SETD7: variants seen among roughly 807,000 people sequenced by gnomAD.
SETD7 encodes the protein histone-lysine N-methyltransferase SETD7.
SETD7 carries 16 observed loss-of-function variants against 41.8 expected under a neutral mutation model. That is an observed-to-expected ratio of 0.38 (90% CI 0.26 to 0.58). The LOEUF is 0.58. Ranked by LOEUF, SETD7 falls within the 20% of genes least tolerant of loss-of-function variation. SETD7 has a pLI of 0.64. For synonymous variants in SETD7, 163 were observed against 169.7 expected (o/e 0.96, Z 0.31); for missense variants, 346 against 459.7 (o/e 0.75, Z 2.26).
Position 139,555,562 on chromosome 4 carries a change from G to A in SETD7, c.40+536C>T, listed in dbSNP as rs1728241990. Among the ~76,000 whole-genome samples the A allele has an allele frequency of 6.6e-6, 1 of 152,060 alleles. No individual in the cohort carries two copies. The highest frequency in any genetic ancestry group is 2.1e-4 in the South Asian group (1 of 4,824). ...TCGGAAGAGCTGCCGCCTGGGCCGC[G>A]GCTGCCACGTGCCTGGTCTGGCCCC... On this transcript the variant is annotated intron_variant, in intron 1 of 7. Transcript: ENST00000274031. This position sits in a 1 kb window ranked among gnomAD's most constrained non-coding sequence, Gnocchi z 4.0.
chr4:139,514,440 T>C (rs1030057546), intron 7 of SETD7, among the ~76,000 whole-genome samples: 5 of 151,694 alleles, frequency 3.3e-5, no homozygotes, highest in African/African-American at 9.7e-5. Context: ...TTTATTTACA[T>C]TTTCCTGTTC....
intron 2 of SETD7, among the ~76,000 whole-genome samples, chr4:139,533,581 G>A (rs1488097311): frequency 6.6e-6 from 1 of 152,178 alleles, no homozygotes; most frequent in Non-Finnish European, 1.5e-5. Context: ...CCAATCTCAT[G>A]GTTCCTGGGA....
At position 139,555,591 on chromosome 4, in the gene SETD7, C is replaced by A. The variant is rs1016714620; in HGVS notation, c.40+507G>T. Among the ~76,000 whole-genome samples the A allele has an allele frequency of 6.6e-6, 1 of 151,922 alleles. No homozygotes were observed. Among genetic ancestry groups the A allele is most frequent in the Non-Finnish European group, 1.5e-5 (1 of 67,954 alleles). On this transcript the variant is annotated intron_variant, in intron 1 of 7. Transcript: ENST00000274031. The surrounding 1 kb of genome is among the most constrained non-coding windows in gnomAD (Gnocchi z 4.0). The stretch of plus-strand genomic sequence containing the variant: ...GCCACGTGCCTGGTCTGGCCCCGTG[C>A]GCTGCGCCGGGGGACCTACCCGGAC...
downstream of SETD7, among the ~76,000 whole-genome samples, chr4:139,505,081 A>G (rs1433576898): frequency 6.6e-6 from 1 of 152,050 alleles, no homozygotes; most frequent in Non-Finnish European, 1.5e-5. Flanking sequence ...CCTTCCTTCC[A>G]TGGAAGGAAG....
In SETD7 at chr4:139,509,804, A is replaced by G; in HGVS notation, c.*1859T>C. The G allele has an allele frequency of 3.0e-6, 3 of 985,448 alleles. No individual in the cohort carries two copies. The South Asian group carries it at 1.4e-4, about 46-fold the overall frequency. 61.0% of individuals were successfully genotyped at this position (985,448 alleles called of 1,614,324 possible). ...CCTGGTGCCTTTAAATCTAAAAACT[A>G]TTCAGTTCCTTTGGTGGGCAATCTT... On this transcript the variant is annotated 3_prime_UTR_variant, in exon 8 of 8. Transcript: ENST00000274031.
intron 2 of SETD7, among the ~76,000 whole-genome samples, chr4:139,543,626 C>T (rs1297195944): frequency 1.3e-5 from 2 of 152,078 alleles, no homozygotes; most frequent in Non-Finnish European, 2.9e-5. Flanking sequence ...ATTTAATCAA[C>T]ATCTCCACTG....
chr4:139,514,832 G>A (rs1004787663), intron 7 of SETD7, among the ~76,000 whole-genome samples: 14 of 152,162 alleles, frequency 9.2e-5, no homozygotes, highest in South Asian at 2.1e-4. Context: ...ACTAGATTGC[G>A]TTTCAAACAG....
intron 7 of SETD7, among the ~76,000 whole-genome samples, chr4:139,512,188 C>T (rs953701777): frequency 6.6e-6 from 1 of 152,192 alleles, no homozygotes; most frequent in African/African-American, 2.4e-5. Flanking sequence ...AAAAATCTGT[C>T]GTTAATGAGA....
intron 2 of SETD7, among the ~76,000 whole-genome samples, chr4:139,537,534 C>T (rs1324650542): frequency 6.6e-6 from 1 of 152,198 alleles, no homozygotes; most frequent in East Asian, 1.9e-4. Flanking sequence ...CATTATTCAT[C>T]AGAGCCTAGG....
chr4:139,543,789 A>G (rs1727845084), intron 2 of SETD7, among the ~76,000 whole-genome samples: 1 of 133,468 alleles, frequency 7.5e-6, no homozygotes, highest in South Asian at 2.4e-4. Context: ...CGTCTCTACT[A>G]AAAAAATACA....
intron 7 of SETD7, among the ~76,000 whole-genome samples, chr4:139,500,657 C>T (rs957038177): frequency 1.3e-5 from 2 of 152,120 alleles, no homozygotes; most frequent in Admixed American, 1.3e-4. Flanking sequence ...TACAGGCATG[C>T]ACCACCACGC....
At chr4:139,526,495 G>C (rs1727334853) in intron 4 of SETD7, among the ~76,000 whole-genome samples, 1 of 150,138 alleles carries the variant, frequency 6.7e-6, no homozygotes, top group Admixed American at 6.7e-5. Context: ...TGCTGCCTAG[G>C]CTGATCTTGA....
intron 3 of SETD7, among the ~76,000 whole-genome samples, chr4:139,529,517 T>C (rs971888659): frequency 5.3e-5 from 8 of 152,212 alleles, no homozygotes; most frequent in African/African-American, 4.8e-5. Context: ...ATACTCTATG[T>C]TGGTTTACTA....
At chr4:139,496,552 G>C (rs1726459456) in intron 7 of SETD7, 1 of 699,100 alleles carries the variant, frequency 1.4e-6, no homozygotes, top group East Asian at 2.7e-5. Flanking sequence ...GGCTGAGAAC[G>C]TTTTCAGAGA....
chr4:139,495,573 G>T (rs929736675), downstream of SETD7, among the ~76,000 whole-genome samples: 1 of 152,170 alleles, frequency 6.6e-6, no homozygotes, highest in African/African-American at 2.4e-5. Context: ...AGGAGAAAGA[G>T]AGCAGGGGAA....
intron 2 of SETD7, among the ~76,000 whole-genome samples, chr4:139,539,602 T>C (rs1189174183): frequency 1.3e-5 from 2 of 152,178 alleles, no homozygotes; most frequent in African/African-American, 2.4e-5. Context: ...CAGTAAAATA[T>C]TTGAAGAGTG....
intron 2 of SETD7, among the ~76,000 whole-genome samples, chr4:139,534,004 T>C (rs1010541633): frequency 6.6e-6 from 1 of 152,180 alleles, no homozygotes; most frequent in African/African-American, 2.4e-5. Context: ...TCTATGTATA[T>C]ACATACATCC....
Position 139,533,190 on chromosome 4 carries a change from T to C in SETD7, c.347A>G (p.His116Arg), listed in dbSNP as rs1727535945. 6.2e-7 allele frequency: 1 copy of C among 1,614,142 alleles called. No homozygotes were observed. Among genetic ancestry groups the C allele is most frequent in the Non-Finnish European group, 8.5e-7 (1 of 1,179,994 alleles). Residue 116 changes from histidine (H) to arginine (R), a missense_variant, in exon 3 of 8, where the codon CAT becomes CGT. By Grantham distance (29) the His-to-Arg change is conservative (BLOSUM62 0). Transcript: ENST00000274031. ...FKGQYKDNIRHGVCWIYYPDG... is the reference protein window; with the variant it reads ...FKGQYKDNIRRGVCWIYYPDG... The stretch of plus-strand genomic sequence containing the variant: ...TGGGTAATATATCCAGCACACTCCA[T>C]GACGAATGTTATCTTTATACTGCCC...
At chr4:139,515,061 G>A (rs1391109454) in intron 7 of SETD7, among the ~76,000 whole-genome samples, 1 of 151,460 alleles carries the variant, frequency 6.6e-6, no homozygotes, top group African/African-American at 2.4e-5. Flanking sequence ...AGCTACTTGG[G>A]AGGCTGAGGC....
Sources: gnomAD v4.1 joint callset for allele counts (sites outside exome capture counted in the v4.1 genomes callset) on GRCh38, gnomAD v4.1.1 for gene constraint, Gnocchi (gnomAD v3.1) non-coding constraint, MANE v1.5 for transcripts, NCBI Gene and HGNC (gene_info 2026-07-23, HGNC 2026-07-21) for gene names.